The following FAM210B variants were observed in gnomAD, a reference collection of about 807,000 sequenced individuals.
FAM210B encodes the protein mitochondrial inner membrane scaffold 2, also known as family with sequence similarity 210 member B.
In FAM210B, 11 loss-of-function variants were observed where a neutral mutation model predicts 14.9. That is an observed-to-expected ratio of 0.74 (90% CI 0.46 to 1.22). The LOEUF is 1.22. Ranked by LOEUF, FAM210B falls within the 50% of genes most tolerant of loss-of-function variation. FAM210B has a pLI of 0.00. For missense variants in FAM210B, 229 were observed against 250.1 expected (o/e 0.92, Z 0.57); for synonymous variants, 113 against 110.2 (o/e 1.03, Z -0.16).
Position 56,366,872 on chromosome 20 carries a change from C to T in FAM210B, c.*585C>T, listed in dbSNP as rs1341462102. ...TAGTTCTGGTATGTTTCATTGATCC[C>T]CAGATACCTTCCAATCTGGACATGA... On this transcript the variant is annotated 3_prime_UTR_variant, in exon 3 of 3. Transcript: ENST00000371384. 1.3e-5 allele frequency: 2 copies of T among 152,888 alleles called. No homozygotes were observed. Among genetic ancestry groups the T allele is most frequent in the African/African-American group, 4.8e-5 (2 of 41,426 alleles). 9.5% of individuals were successfully genotyped at this position (152,888 alleles called of 1,614,324 possible). A position where few individuals can be genotyped will look rare whatever the true frequency, so the allele number is the denominator to read the frequency against.
intron 1 of FAM210B, 73 bp from the exon 2 acceptor site, chr20:56,365,014 T>C: frequency 1.4e-6 from 2 of 1,408,082 alleles, no homozygotes; most frequent in East Asian, 2.4e-5. Context: ...TAACATTGCA[T>C]GCGTGTATAA....
rs534520658 is a variant in FAM210B at position 56,366,159 on chromosome 20, G to C, written c.451G>C (p.Val151Leu). The C allele has an allele frequency of 6.2e-7, 1 of 1,614,138 alleles. No individual in the cohort carries two copies. Among genetic ancestry groups the C allele is most frequent in the Non-Finnish European group, 8.5e-7 (1 of 1,180,032 alleles). Residue 151 changes from valine (V) to leucine (L), a missense_variant, in exon 3 of 3, where the codon GTG (valine) becomes CTG (leucine). Physicochemically the swap from Val to Leu is conservative, Grantham distance 32. Around this residue, in one of 3 missense-constraint regions of FAM210B, gnomAD observed 53 missense variants for 55.4 expected, o/e 0.96. Coordinates refer to ENST00000371384, the MANE Select transcript of FAM210B (RefSeq NM_080821.3). ...AATGGCAGCAGGCACAAGTACCTTC[G>C]TGGTGGCCTATGCAATCCACAAGCT... ...SKMAAGTSTFVVAYAIHKLFA... is the reference protein window; with the variant it reads ...SKMAAGTSTFLVAYAIHKLFA...
At chr20:56,361,276 CCT>C (rs1983526806) in intron 1 of FAM210B, among the ~76,000 whole-genome samples, 1 of 152,148 alleles carries the variant, frequency 6.6e-6, no homozygotes, top group South Asian at 2.1e-4. Context: ...CCTCCTACTC[CCT>C]GTCTCCCGCC....
At chr20:56,364,836 C>T (rs906196109) in intron 1 of FAM210B, among the ~76,000 whole-genome samples, 1 of 152,112 alleles carries the variant, frequency 6.6e-6, no homozygotes, top group Non-Finnish European at 1.5e-5. Flanking sequence ...CACCTGTAAT[C>T]CCAGCTACTT....
At chr20:56,360,185 G>C (rs1012231145) in intron 1 of FAM210B, 4 of 470,416 alleles carry the variant, frequency 8.5e-6, no homozygotes, top group African/African-American at 8.0e-5. Flanking sequence ...TCTCCAGTCC[G>C]ACAGGTGGCA....
intron 1 of FAM210B, among the ~76,000 whole-genome samples, chr20:56,361,348 G>C (rs1187988908): frequency 6.6e-6 from 1 of 152,134 alleles, no homozygotes; most frequent in African/African-American, 2.4e-5. Flanking sequence ...TTACTCTTCT[G>C]TTTATTGTCC....
chr20:56,366,289 G>GT lies in FAM210B; in HGVS notation c.*2_*3insT, dbSNP rs773302977. 616 of 1,613,222 alleles carry GT rather than the reference G, an allele frequency of 3.8e-4. No homozygotes were observed. Among genetic ancestry groups the GT allele is most frequent in the Middle Eastern group, 1.2e-3 (7 of 6,060 alleles). ...AAACCTCCAGCTGCAAAACCTTAAT[G>GT]AACTCTTCAGTCGTACACACTGAAA... is the stretch of plus-strand genomic sequence containing the variant. On this transcript the variant is annotated 3_prime_UTR_variant, in exon 3 of 3. Transcript: ENST00000371384.
rs1296498972 is a variant in FAM210B at position 56,358,980 on chromosome 20, G to T, written c.-26G>T. ...TCCGCCCGCCTCCCGGGTCAGCGGC[G>T]CGGGTGCTGCGCCTAGCTGCGCACC... is the stretch of plus-strand genomic sequence containing the variant. On this transcript the variant is annotated 5_prime_UTR_variant, in exon 1 of 3. Coordinates refer to ENST00000371384, the MANE Select transcript of FAM210B (RefSeq NM_080821.3). 8.3e-6 allele frequency: 10 copies of T among 1,198,036 alleles called. No homozygotes were observed. The highest frequency in any genetic ancestry group is 1.0e-5 in the Non-Finnish European group (10 of 968,208). The allele number at this position is 1,198,036 out of a possible 1,614,324, so 74.2% of individuals were successfully genotyped here.
Position 56,363,920 on chromosome 20 carries a change from TG to T in FAM210B, c.187-1164del, listed in dbSNP as rs1983579869. 6.6e-6 allele frequency among the ~76,000 whole-genome samples: 1 copy of T among 152,234 alleles called. No individual in the cohort carries two copies. Among genetic ancestry groups the T allele is most frequent in the African/African-American group, 2.4e-5 (1 of 41,454 alleles). ...GCTCAGGCTGTGGCCTTGGAGGGCC[TG>T]GGTTCTAATCTTGGTGACATCAGGC... On this transcript the variant is annotated intron_variant, in intron 1 of 2. Coordinates refer to ENST00000371384, the MANE Select transcript of FAM210B (RefSeq NM_080821.3). This position sits in a 1 kb window ranked among gnomAD's most constrained non-coding sequence, Gnocchi z 4.1.
chr20:56,360,907 C>G (rs1314839140), intron 1 of FAM210B, among the ~76,000 whole-genome samples: 5 of 152,210 alleles, frequency 3.3e-5, no homozygotes, highest in African/African-American at 1.2e-4. Context: ...GTCGTCTGTT[C>G]TGGCCGCCCA....
rs1007110855 is a variant in FAM210B at position 56,359,286 on chromosome 20, G to A, written c.186+95G>A. On this transcript the variant is annotated intron_variant, in intron 1 of 2. Coordinates refer to ENST00000371384, the MANE Select transcript of FAM210B (RefSeq NM_080821.3). The surrounding 1 kb of genome is among the most constrained non-coding windows in gnomAD (Gnocchi z 4.3). ...GGGTCCGGCCGCCTCCGCCAAGGACGCCTTTGCACTTGTAGCTGCCCGGGA... is the reference window on the plus strand; with the variant it reads ...GGGTCCGGCCGCCTCCGCCAAGGACACCTTTGCACTTGTAGCTGCCCGGGA... 81 of 1,155,764 alleles carry A rather than the reference G, an allele frequency of 7.0e-5. No homozygotes were observed. Among genetic ancestry groups the A allele is most frequent in the Non-Finnish European group, 8.6e-5 (80 of 928,174 alleles). 71.6% of individuals were successfully genotyped at this position (1,155,764 alleles called of 1,614,324 possible).
chr20:56,360,316 G>C (rs1983509104), intron 1 of FAM210B: 4 of 456,920 alleles, frequency 8.8e-6, no homozygotes, highest in Non-Finnish European at 1.8e-5. Flanking sequence ...CTAACGACCT[G>C]TGAGGTCTCG....
chr20:56,364,585 T>C (rs1983592569), intron 1 of FAM210B, among the ~76,000 whole-genome samples: 1 of 152,216 alleles, frequency 6.6e-6, no homozygotes, highest in Non-Finnish European at 1.5e-5. Flanking sequence ...GGGACATCTT[T>C]GGAGTCATCA....
Position 56,359,054 on chromosome 20 carries a change from C to T in FAM210B, c.49C>T (p.Arg17Trp). Residue 17 changes from arginine to tryptophan, a missense_variant, in exon 1 of 3, where the codon CGG (arginine) becomes TGG (tryptophan). Physicochemically the swap from Arg to Trp is moderately radical, Grantham distance 101. This residue lies in a region of FAM210B where 144 missense variants were observed against 132.5 expected (regional missense o/e 1.09). Coordinates refer to ENST00000371384, the MANE Select transcript of FAM210B (RefSeq NM_080821.3). This position sits in a 1 kb window ranked among gnomAD's most constrained non-coding sequence, Gnocchi z 4.3. ...LLGPAGRVGA[R>W]VRPRATWLLG... Reference sequence around the variant, plus strand: ...GGGTCCGGCAGGCAGGGTGGGCGCCCGGGTCCGGCCTCGCGCCACCTGGCT... The same window carrying T: ...GGGTCCGGCAGGCAGGGTGGGCGCCTGGGTCCGGCCTCGCGCCACCTGGCT... 7.4e-7 allele frequency: 1 copy of T among 1,351,850 alleles called. No individual in the cohort carries two copies. Among genetic ancestry groups the T allele is most frequent in the Non-Finnish European group, 9.6e-7 (1 of 1,046,530 alleles). The allele number at this position is 1,351,850 out of a possible 1,614,324, so 83.7% of individuals were successfully genotyped here. A position where few individuals can be genotyped will look rare whatever the true frequency, so the allele number is the denominator to read the frequency against.
In FAM210B at chr20:56,366,381, G is replaced by C. The variant is rs1983636541; in HGVS notation, c.*94G>C. ...GTTTTAGGGTTGTAGGGTTTCTTTT[G>C]GAGAGGTAGGGGGCTAATTGCTATG... On this transcript the variant is annotated 3_prime_UTR_variant, in exon 3 of 3. Transcript: ENST00000371384. The C allele has an allele frequency of 8.5e-7, 1 of 1,182,760 alleles. No homozygotes were observed. Among genetic ancestry groups the C allele is most frequent in the East Asian group, 2.4e-5 (1 of 41,352 alleles). 73.3% of individuals were successfully genotyped at this position (1,182,760 alleles called of 1,614,324 possible). A position where few individuals can be genotyped will look rare whatever the true frequency, so the allele number is the denominator to read the frequency against.
chr20:56,358,989 G>A lies in FAM210B; in HGVS notation c.-17G>A. The A allele has an allele frequency of 4.8e-6, 6 of 1,241,806 alleles. No individual in the cohort carries two copies. The highest frequency in any genetic ancestry group is 6.1e-6 in the Non-Finnish European group (6 of 991,350). 76.9% of individuals were successfully genotyped at this position (1,241,806 alleles called of 1,614,324 possible). On this transcript the variant is annotated 5_prime_UTR_variant, in exon 1 of 3. Coordinates refer to ENST00000371384, the MANE Select transcript of FAM210B (RefSeq NM_080821.3). ...CTCCCGGGTCAGCGGCGCGGGTGCT[G>A]CGCCTAGCTGCGCACCATGGCCGGG...
In FAM210B at chr20:56,365,076, T is replaced by A; in HGVS notation, c.187-11T>A. On this transcript the variant is annotated splice_polypyrimidine_tract_variant and intron_variant, in intron 1 of 2. Transcript: ENST00000371384. ...CCCTAAAGCACCTCCTCTTCTCTGA[T>A]TTGTACACAGGACCCCAGCCAGGCC... 2 of 1,610,398 alleles carry A rather than the reference T, an allele frequency of 1.2e-6. No individual in the cohort carries two copies. Among genetic ancestry groups the A allele is most frequent in the Non-Finnish European group, 1.7e-6 (2 of 1,179,056 alleles).
chr20:56,367,003 C>T lies in FAM210B; in HGVS notation c.*716C>T, dbSNP rs1422714007. ...AAACCCTGCCCAGTAGCAGTGGCATCGCTTGGTTCCTGATGCCCATGTTCC... is the reference window on the plus strand; with the variant it reads ...AAACCCTGCCCAGTAGCAGTGGCATTGCTTGGTTCCTGATGCCCATGTTCC... On this transcript the variant is annotated 3_prime_UTR_variant, in exon 3 of 3. Transcript: ENST00000371384. 4 of 152,466 alleles carry T rather than the reference C, an allele frequency of 2.6e-5. No individual in the cohort carries two copies. Among genetic ancestry groups the T allele is most frequent in the African/African-American group, 7.2e-5 (3 of 41,428 alleles). 9.4% of individuals were successfully genotyped at this position (152,466 alleles called of 1,614,324 possible).
rs938810412 is a variant in FAM210B at position 56,363,007 on chromosome 20, A to C, written c.187-2080A>C. ...TGGAGGTGGGTGGGGCTTGTTTATC[A>C]GGAAGAACCGATGCCCTCCACAGCC... On this transcript the variant is annotated intron_variant, in intron 1 of 2. Transcript: ENST00000371384. The surrounding 1 kb of genome is among the most constrained non-coding windows in gnomAD (Gnocchi z 4.1). Among the ~76,000 whole-genome samples the C allele has an allele frequency of 1.2e-4, 19 of 152,200 alleles. No individual in the cohort carries two copies. Among genetic ancestry groups the C allele is most frequent in the Non-Finnish European group, 1.5e-4 (10 of 68,036 alleles).
Sources: allele counts gnomAD v4.1 joint callset (sites outside exome capture counted in the v4.1 genomes callset), GRCh38; gene constraint gnomAD v4.1.1; regional missense constraint gnomAD v4.1.1; non-coding constraint Gnocchi (gnomAD v3.1); transcripts MANE v1.5; gene names NCBI Gene and HGNC (gene_info 2026-07-23, HGNC 2026-07-21).